The following CD86 variants were observed in gnomAD, a reference collection of about 807,000 sequenced individuals.
The protein encoded by CD86 is CD86 molecule, also known as T-lymphocyte activation antigen CD86.
CD86 carries 11 observed loss-of-function variants against 32.1 expected under a neutral mutation model. The observed-to-expected ratio is 0.34, with a 90% CI of 0.22 to 0.57. CD86 has a LOEUF of 0.57. CD86 is among the 20% of genes least tolerant of loss of function. CD86 has a pLI of 0.86. For missense variants in CD86, 359 were observed against 398.4 expected (o/e 0.90, Z 0.84); for synonymous variants, 137 against 135.3 (o/e 1.01, Z -0.09).
chr3:122,058,172 C>G (rs1332998327), intron 1 of CD86, among the ~76,000 whole-genome samples: 1 of 152,066 alleles, frequency 6.6e-6, no homozygotes, highest in East Asian at 1.9e-4. Flanking sequence ...GTGATTTGTC[C>G]AAGATTATAC....
At chr3:122,059,497 C>G (rs1049780733) in intron 1 of CD86, among the ~76,000 whole-genome samples, 1 of 147,678 alleles carries the variant, frequency 6.8e-6, no homozygotes, top group African/African-American at 2.5e-5. Context: ...GATAGCACCA[C>G]GGCACTCCAG....
chr3:122,065,072 T>G (rs939319355), intron 1 of CD86, among the ~76,000 whole-genome samples: 3 of 152,152 alleles, frequency 2.0e-5, no homozygotes, highest in Non-Finnish European at 4.4e-5. Context: ...GTAAGTAGTA[T>G]TATCCCTGAT....
At chr3:122,112,807 T>A (rs968276370) in intron 5 of CD86, among the ~76,000 whole-genome samples, 3 of 152,232 alleles carry the variant, frequency 2.0e-5, no homozygotes, top group Non-Finnish European at 2.9e-5. Context: ...TATTCAACTA[T>A]AAGTACCTTT....
chr3:122,088,728 G>T (rs2072765820), intron 1 of CD86, among the ~76,000 whole-genome samples: 1 of 152,208 alleles, frequency 6.6e-6, no homozygotes, highest in Admixed American at 6.5e-5. Flanking sequence ...AGTTGTCGAT[G>T]GGAATGTAAA....
At chr3:122,081,519 A>C (rs1012417352) in intron 1 of CD86, among the ~76,000 whole-genome samples, 9 of 152,224 alleles carry the variant, frequency 5.9e-5, no homozygotes, top group African/African-American at 2.2e-4. Context: ...CTAGGGAAGA[A>C]TTATTGGAAG....
chr3:122,110,861 G>C (rs2073161697), intron 5 of CD86, among the ~76,000 whole-genome samples: 1 of 152,152 alleles, frequency 6.6e-6, no homozygotes, highest in South Asian at 2.1e-4. Flanking sequence ...TACATCTTGG[G>C]AATAAGCTGT....
intron 2 of CD86, among the ~76,000 whole-genome samples, chr3:122,098,821 T>C (rs773066991): frequency 2.0e-5 from 3 of 152,192 alleles, no homozygotes; most frequent in Non-Finnish European, 2.9e-5. Flanking sequence ...GGTACACAAA[T>C]GATTCATCTT....
chr3:122,117,260 A>G (rs2073268873), intron 5 of CD86, among the ~76,000 whole-genome samples: 1 of 152,138 alleles, frequency 6.6e-6, no homozygotes, highest in African/African-American at 2.4e-5. Flanking sequence ...TATCATTCTT[A>G]TGACTTTGTG....
At chr3:122,073,765 G>T (rs1388478422) in intron 1 of CD86, among the ~76,000 whole-genome samples, 1 of 152,122 alleles carries the variant, frequency 6.6e-6, no homozygotes, top group South Asian at 2.1e-4. Context: ...TTCAGGAACT[G>T]TGTTTACGGT....
intron 2 of CD86, among the ~76,000 whole-genome samples, chr3:122,096,839 T>A (rs1342998519): frequency 6.6e-6 from 1 of 152,270 alleles, no homozygotes; most frequent in Non-Finnish European, 1.5e-5. Flanking sequence ...TTTGTATGGA[T>A]GTATCATTAT....
At chr3:122,105,812 C>G (rs1471068116) in intron 3 of CD86, among the ~76,000 whole-genome samples, 1 of 152,120 alleles carries the variant, frequency 6.6e-6, no homozygotes, top group Non-Finnish European at 1.5e-5. Flanking sequence ...CCTTCCTGCT[C>G]TCTTAGTCTG....
chr3:122,055,507 A>G lies in CD86; in HGVS notation c.14+4A>G. 6.2e-7 allele frequency: 1 copy of G among 1,613,924 alleles called. No homozygotes were observed. On this transcript the variant is annotated splice_donor_region_variant and intron_variant, in intron 1 of 6. Coordinates refer to ENST00000330540, the MANE Select transcript of CD86 (RefSeq NM_175862.5). ...CAGCCAAAATGGATCCCCAGTGGTG[A>G]GTAATAATTCTTATTCTTTGCAGAG... is the stretch of plus-strand genomic sequence containing the variant.
intron 1 of CD86, among the ~76,000 whole-genome samples, chr3:122,078,813 T>C (rs755441552): frequency 2.0e-5 from 3 of 152,224 alleles, no homozygotes; most frequent in Non-Finnish European, 4.4e-5. Flanking sequence ...CCCCTTAAAC[T>C]GTAATAATGA....
At chr3:122,069,812 A>G (rs1334286809) in intron 1 of CD86, among the ~76,000 whole-genome samples, 3 of 152,122 alleles carry the variant, frequency 2.0e-5, no homozygotes, top group African/African-American at 4.8e-5. Flanking sequence ...GACCTCACTT[A>G]GACCCTGGGT....
chr3:122,090,930 C>A (rs1479141031), intron 1 of CD86, among the ~76,000 whole-genome samples: 2 of 152,324 alleles, frequency 1.3e-5, no homozygotes, highest in Middle Eastern at 3.4e-3. Flanking sequence ...TCCCAACTTA[C>A]TAAGCCAGAC....
At chr3:122,098,378 G>C (rs2072942319) in intron 2 of CD86, among the ~76,000 whole-genome samples, 1 of 152,178 alleles carries the variant, frequency 6.6e-6, no homozygotes, top group Non-Finnish European at 1.5e-5. Context: ...AACATGAGAA[G>C]AGGACTTGAG....
chr3:122,119,814 A>G lies in CD86; in HGVS notation c.*280A>G, dbSNP rs2073315345. 1 of 267,180 alleles carries G rather than the reference A, an allele frequency of 3.7e-6. No homozygotes were observed. Among genetic ancestry groups the G allele is most frequent in the East Asian group, 8.2e-5 (1 of 12,168 alleles). 16.6% of individuals were successfully genotyped at this position (267,180 alleles called of 1,614,324 possible). A position where few individuals can be genotyped will look rare whatever the true frequency, so the allele number is the denominator to read the frequency against. On this transcript the variant is annotated 3_prime_UTR_variant, in exon 7 of 7. Transcript: ENST00000330540. ...TCATGACCTGGAAATAAAATTTAGG[A>G]CCAATACCTCCTCCAGATCAGATTC...
At chr3:122,107,657 C>G (rs1183718924) in intron 4 of CD86, among the ~76,000 whole-genome samples, 1 of 152,164 alleles carries the variant, frequency 6.6e-6, no homozygotes, top group East Asian at 1.9e-4. Flanking sequence ...TTACCTTGAC[C>G]CCTTCTCCAG....
rs1174233812 is a variant in CD86, at chr3:122,103,955, G to A, written c.400+108G>A. ...CTTGAGGGGCCCAGGGGAAAAGGGG[G>A]GTCTATAGAGAGAAGGCAGAGGACA... On this transcript the variant is annotated intron_variant, in intron 3 of 6. Transcript: ENST00000330540. 10 of 868,938 alleles carry A rather than the reference G, an allele frequency of 1.2e-5. No individual in the cohort carries two copies. In the East Asian group the frequency reaches 1.3e-4, roughly 11 times the overall value. 53.8% of individuals were successfully genotyped at this position (868,938 alleles called of 1,614,324 possible).
Sources: allele counts gnomAD v4.1 joint callset (sites outside exome capture counted in the v4.1 genomes callset), GRCh38; gene constraint gnomAD v4.1.1; transcripts MANE v1.5; gene names NCBI Gene and HGNC (gene_info 2026-07-23, HGNC 2026-07-21).